The following TMPRSS15 variants were observed in gnomAD, a reference collection of about 807,000 sequenced individuals.
TMPRSS15 encodes enteropeptidase.
A neutral mutation model predicts 125.3 loss-of-function variants in TMPRSS15; 128 were observed. The ratio of observed to expected loss-of-function variants is 1.02; its 90% CI spans 0.89 to 1.18. The LOEUF is 1.18. Among genes scored for constraint, TMPRSS15 ranks in the 50% most tolerant of loss-of-function variants. TMPRSS15 has a pLI of 0.00. For synonymous variants in TMPRSS15, 446 were observed against 423.2 expected (o/e 1.05, Z -0.66); for missense variants, 1,283 against 1,212.7 (o/e 1.06, Z -0.86).
intron 19 of TMPRSS15, among the ~76,000 whole-genome samples, 168 bp downstream of exon 19, chr21:18,297,566 A>G (rs1197131533): frequency 1.3e-5 from 2 of 152,238 alleles, no homozygotes; most frequent in African/African-American, 4.8e-5. Flanking sequence ...AACTGTTATC[A>G]GATATTAAAT....
At position 18,313,013 on chromosome 21, in the gene TMPRSS15, C is replaced by A. The variant is rs1359556569; in HGVS notation, c.2097G>T (p.Trp699Cys). ...TCCAGTTCTCAGCACAAGCTGTATG[C>A]CATATGCTCTGGATTCTGAACCGCA... ...GLVRFRIQSI[W>C]HTACAENWTT... Residue 699 changes from tryptophan to cysteine, a missense_variant, in exon 18 of 25, where the codon TGG (tryptophan) becomes TGT (cysteine). Trp to Cys is a radical substitution (Grantham distance 215, BLOSUM62 -2). Coordinates refer to ENST00000284885, the MANE Select transcript of TMPRSS15 (RefSeq NM_002772.3). 1 of 1,613,974 alleles carries A rather than the reference C, an allele frequency of 6.2e-7. No homozygotes were observed.
chr21:18,476,978 G>A (rs780629942), intron 1 of TMPRSS15, among the ~76,000 whole-genome samples: 3 of 145,596 alleles, frequency 2.1e-5, no homozygotes, highest in Non-Finnish European at 3.0e-5. Flanking sequence ...CATAACACTG[G>A]AAGAAAAAAG....
At chr21:18,331,662 TA>T in intron 14 of TMPRSS15, among the ~76,000 whole-genome samples, 1 of 152,242 alleles carries the variant, frequency 6.6e-6, no homozygotes, top group Admixed American at 6.5e-5. Context: ...CTTTACTTTT[TA>T]ATACTTTCCA....
At chr21:18,275,402 C>G in intron 23 of TMPRSS15, 66 bp from the exon 24 acceptor site, 1 of 1,572,954 alleles carries the variant, frequency 6.4e-7, no homozygotes, top group South Asian at 1.1e-5. Flanking sequence ...GAATGAACTA[C>G]CATCAGTCCT....
At chr21:18,366,071 T>C (rs2075734818) in intron 6 of TMPRSS15, among the ~76,000 whole-genome samples, 1 of 152,114 alleles carries the variant, frequency 6.6e-6, no homozygotes, top group Non-Finnish European at 1.5e-5. Context: ...TTCCCTAAGC[T>C]GCACTTTAAG....
At chr21:18,319,683 C>T (rs1301628332) in intron 16 of TMPRSS15, among the ~76,000 whole-genome samples, 1 of 152,184 alleles carries the variant, frequency 6.6e-6, no homozygotes, top group African/African-American at 2.4e-5. Context: ...GCCGCCTCGG[C>T]CTCCCAAAGT....
intron 14 of TMPRSS15, among the ~76,000 whole-genome samples, chr21:18,329,699 A>G (rs548781835): frequency 6.6e-6 from 1 of 151,628 alleles, no homozygotes; most frequent in South Asian, 2.1e-4. Context: ...AATCCACTTT[A>G]TAGGACAAGT....
At chr21:18,323,710 C>A (rs2075263084) in intron 16 of TMPRSS15, among the ~76,000 whole-genome samples, 1 of 152,032 alleles carries the variant, frequency 6.6e-6, no homozygotes, top group South Asian at 2.1e-4. Context: ...AAGTATAATA[C>A]TTCTTTCAAA....
At chr21:18,482,580 T>C (rs983311890) in intron 1 of TMPRSS15, among the ~76,000 whole-genome samples, 1 of 151,600 alleles carries the variant, frequency 6.6e-6, no homozygotes, top group Non-Finnish European at 1.5e-5. Flanking sequence ...CCAATAAAAT[T>C]AGTTTTCTCC....
intron 16 of TMPRSS15, 110 bp downstream of exon 16, chr21:18,326,322 G>A (rs2075290220): frequency 3.6e-6 from 5 of 1,374,670 alleles, no homozygotes; most frequent in Non-Finnish European, 4.1e-6. Flanking sequence ...GGAAGAATAA[G>A]TGTCACAGAA....
intron 14 of TMPRSS15, 88 bp from the exon 15 acceptor site, chr21:18,329,382 A>T (rs2075322874): frequency 1.5e-6 from 2 of 1,290,592 alleles, no homozygotes; most frequent in Admixed American, 5.4e-5. Flanking sequence ...CAAATAACTT[A>T]AAAAAAAATC....
intron 1 of TMPRSS15, among the ~76,000 whole-genome samples, chr21:18,466,664 TCAA>T (rs1179398623): frequency 6.6e-6 from 1 of 151,756 alleles, no homozygotes; most frequent in African/African-American, 2.4e-5. Flanking sequence ...GAAAAAAAGC[TCAA>T]CAACACTGGT....
intron 1 of TMPRSS15, among the ~76,000 whole-genome samples, chr21:18,470,757 G>C (rs184243057): frequency 1.4e-4 from 21 of 152,100 alleles, no homozygotes; most frequent in African/African-American, 4.3e-4. Context: ...ATGGGAGATA[G>C]AGAAGGCATA....
chr21:18,317,891 T>TCCCATCCCAC (rs1569004286), intron 16 of TMPRSS15, among the ~76,000 whole-genome samples: 1 of 127,500 alleles, frequency 7.8e-6, no homozygotes, highest in Non-Finnish European at 1.6e-5. Flanking sequence ...TCCCATCCCA[T>TCCCATCCCAC]CCCATCCCAT....
At chr21:18,401,173 A>G (rs913754163) in intron 1 of TMPRSS15, among the ~76,000 whole-genome samples, 3 of 152,204 alleles carry the variant, frequency 2.0e-5, no homozygotes, top group Non-Finnish European at 2.9e-5. Context: ...CAGTTTGGCT[A>G]TTTCTCAAAG....
At chr21:18,409,541 T>C (rs1373944977) in intron 1 of TMPRSS15, among the ~76,000 whole-genome samples, 1 of 152,128 alleles carries the variant, frequency 6.6e-6, no homozygotes, top group Non-Finnish European at 1.5e-5. Context: ...ATCTCTCTCA[T>C]ACATTTCAAT....
At chr21:18,456,369 C>T (rs1295321990) in intron 1 of TMPRSS15, among the ~76,000 whole-genome samples, 1 of 152,092 alleles carries the variant, frequency 6.6e-6, no homozygotes, top group Non-Finnish European at 1.5e-5. Context: ...TAATTACTCG[C>T]ATAGGTTCTT....
rs183665001 is a variant in TMPRSS15, at chr21:18,269,165, A to C, written c.*804T>G. On this transcript the variant is annotated 3_prime_UTR_variant, in exon 25 of 25. Coordinates refer to ENST00000284885, the MANE Select transcript of TMPRSS15 (RefSeq NM_002772.3). ...TATTTGACCTTCTCATGGGTGATTC[A>C]GCTGTGTCTAAATAAGTTTTCATAT... 577 of 152,342 alleles carry C rather than the reference A, an allele frequency of 3.8e-3. 5 individuals are homozygous for C. The highest frequency in any genetic ancestry group is 0.013 in the African/African-American group (542 of 41,588). 9.4% of individuals were successfully genotyped at this position (152,342 alleles called of 1,614,324 possible).
At chr21:18,456,887 T>C (rs1255875729) in intron 1 of TMPRSS15, among the ~76,000 whole-genome samples, 1 of 152,108 alleles carries the variant, frequency 6.6e-6, no homozygotes, top group Non-Finnish European at 1.5e-5. Flanking sequence ...TTAGGTAAGA[T>C]ACACTGTTCT....
Sources: gnomAD v4.1 joint callset for allele counts (sites outside exome capture counted in the v4.1 genomes callset) on GRCh38, gnomAD v4.1.1 for gene constraint, MANE v1.5 for transcripts, NCBI Gene and HGNC (gene_info 2026-07-23, HGNC 2026-07-21) for gene names.